ATOH8: variants seen among roughly 807,000 people sequenced by gnomAD.
ATOH8 encodes the protein transcription factor ATOH8.
Under a neutral mutation model 21.2 loss-of-function variants are expected in ATOH8, and 9 were observed. The observed-to-expected ratio is 0.42, with a 90% CI of 0.26 to 0.74. The LOEUF (loss-of-function observed/expected upper bound fraction) is 0.74. ATOH8 is among the 30% of genes least tolerant of loss of function. The probability of loss-of-function intolerance (pLI) is 0.24; values close to 1 mark genes in which losing one functional copy is unlikely to be tolerated. For synonymous variants in ATOH8, 253 were observed against 224.0 expected (o/e 1.13, Z -1.16); for missense variants, 524 against 470.9 (o/e 1.11, Z -1.04).
intron 2 of ATOH8, chr2:85,772,537 G>A (rs1170917746): frequency 5.5e-6 from 2 of 366,362 alleles, no homozygotes; most frequent in Non-Finnish European, 1.1e-5. Flanking sequence ...AGTCACCACA[G>A]GCCTTGGCAG....
chr2:85,769,330 C>T (rs1431642186), intron 2 of ATOH8, among the ~76,000 whole-genome samples: 1 of 152,220 alleles, frequency 6.6e-6, no homozygotes, highest in African/African-American at 2.4e-5. Flanking sequence ...ACAAGACGAA[C>T]CAGAAAGTGC....
chr2:85,764,811 A>G (rs561090328), intron 2 of ATOH8, among the ~76,000 whole-genome samples: 1 of 152,230 alleles, frequency 6.6e-6, no homozygotes, highest in South Asian at 2.1e-4. Flanking sequence ...GCCCTGTGCT[A>G]GGGGCAGTGG....
intron 1 of ATOH8, among the ~76,000 whole-genome samples, chr2:85,762,508 C>T (rs952556341): frequency 6.6e-6 from 1 of 152,176 alleles, no homozygotes; most frequent in Non-Finnish European, 1.5e-5. Context: ...GCCTTCCCCC[C>T]ACAGTTCATA....
At chr2:85,781,655 C>T (rs570333044) in intron 2 of ATOH8, among the ~76,000 whole-genome samples, 9 of 152,020 alleles carry the variant, frequency 5.9e-5, no homozygotes, top group African/African-American at 2.2e-4. Context: ...GTTGGAGGAT[C>T]GCTTGAGCCC....
At chr2:85,771,231 C>T (rs1304348223) in intron 2 of ATOH8, among the ~76,000 whole-genome samples, 1 of 151,862 alleles carries the variant, frequency 6.6e-6, no homozygotes, top group Non-Finnish European at 1.5e-5. Flanking sequence ...GGGCTGGAGA[C>T]CTGGATTTGA....
Position 85,790,105 on chromosome 2 carries a change from A to T in ATOH8, c.*3215A>T, listed in dbSNP as rs1243351768. Among the ~76,000 whole-genome samples, 2 of 152,248 alleles carry T rather than the reference A, an allele frequency of 1.3e-5. No homozygotes were observed. Among genetic ancestry groups the T allele is most frequent in the African/African-American group, 4.8e-5 (2 of 41,468 alleles). ...CCTCAGCAAAATATAAATGACGAGG[A>T]GCTGCCCTCATGGGGCCCTGTGAAA... On this transcript the variant is annotated 3_prime_UTR_variant, in exon 3 of 3. Transcript: ENST00000306279.
chr2:85,765,573 C>T (rs554549856), intron 2 of ATOH8, among the ~76,000 whole-genome samples: 57 of 152,278 alleles, frequency 3.7e-4, no homozygotes, highest in African/African-American at 1.1e-3. Context: ...ATGGCTCCCG[C>T]GGCGCTCGGT....
At chr2:85,758,799 C>T (rs1679785883) in intron 1 of ATOH8, among the ~76,000 whole-genome samples, 1 of 152,238 alleles carries the variant, frequency 6.6e-6, no homozygotes, top group African/African-American at 2.4e-5. Flanking sequence ...CATGTGAAGG[C>T]CATGTGTGCA....
intron 2 of ATOH8, among the ~76,000 whole-genome samples, chr2:85,783,208 A>G (rs1390246180): frequency 3.9e-5 from 6 of 152,202 alleles, no homozygotes; most frequent in African/African-American, 1.4e-4. Context: ...AGCAGCTGAG[A>G]GGGACCTGTG....
Position 85,788,171 on chromosome 2 carries a change from C to T in ATOH8, c.*1281C>T, listed in dbSNP as rs1680670911. On this transcript the variant is annotated 3_prime_UTR_variant, in exon 3 of 3. Coordinates refer to ENST00000306279, the MANE Select transcript of ATOH8 (RefSeq NM_032827.7). ...TTCTACCTACAGGTTGAGAGCCCTT[C>T]AGGATCAGGCGCTGTCCGAGTGAGA... 1 of 152,128 alleles carries T rather than the reference C, an allele frequency of 6.6e-6. No individual in the cohort carries two copies. The allele number at this position is 152,128 out of a possible 1,614,324, so 9.4% of individuals were successfully genotyped here.
chr2:85,767,453 C>T (rs987809518), intron 2 of ATOH8, among the ~76,000 whole-genome samples: 11 of 151,768 alleles, frequency 7.2e-5, no homozygotes, highest in Middle Eastern at 3.4e-3. Flanking sequence ...TCTTCCCCAC[C>T]GTTCACCCTC....
At chr2:85,755,749 AC>A (rs1679672542) in intron 1 of ATOH8, among the ~76,000 whole-genome samples, 1 of 151,932 alleles carries the variant, frequency 6.6e-6, no homozygotes, top group African/African-American at 2.4e-5. Context: ...CCCAAGAATT[AC>A]CCGTGGTGGG....
chr2:85,779,189 C>T (rs923719711), intron 2 of ATOH8, among the ~76,000 whole-genome samples: 3 of 152,266 alleles, frequency 2.0e-5, no homozygotes, highest in Non-Finnish European at 4.4e-5. Context: ...AAGCCAAGTG[C>T]GATGACCGGA....
At position 85,754,334 on chromosome 2, in the gene ATOH8, G is replaced by A. The variant is rs749263243; in HGVS notation, c.145G>A (p.Ala49Thr). 5 of 1,609,026 alleles carry A rather than the reference G, an allele frequency of 3.1e-6. No homozygotes were observed. Among genetic ancestry groups the A allele is most frequent in the East Asian group, 4.5e-5 (2 of 44,448 alleles). The change falls in exon 1 of 3, where the codon GCG becomes ACG. Residue 49 changes from alanine to threonine, a missense_variant. Ala to Thr is a moderately conservative substitution (Grantham distance 58). Transcript: ENST00000306279. ...TAAAACTTTCCGACTGGACTTGGAA[G>A]CGCCCGAGCCCCGCGCCGTAGCCAC... ...GYKTFRLDLE[A>T]PEPRAVATNG...
chr2:85,762,594 C>T (rs1051132112), intron 1 of ATOH8, among the ~76,000 whole-genome samples: 1 of 152,124 alleles, frequency 6.6e-6, no homozygotes, highest in Non-Finnish European at 1.5e-5. Context: ...CTATTAAGGG[C>T]AAGCTGTCCC....
chr2:85,768,875 G>A (rs140579504), intron 2 of ATOH8, among the ~76,000 whole-genome samples: 1 of 152,310 alleles, frequency 6.6e-6, no homozygotes, highest in Non-Finnish European at 1.5e-5. Flanking sequence ...CAGTAGTGCA[G>A]AGGCCCATGT....
intron 2 of ATOH8, among the ~76,000 whole-genome samples, chr2:85,771,176 G>A (rs1416459383): frequency 1.3e-5 from 2 of 152,196 alleles, no homozygotes; most frequent in African/African-American, 4.8e-5. Context: ...GCACGCTATG[G>A]CGGCCCTCAG....
intron 2 of ATOH8, among the ~76,000 whole-genome samples, chr2:85,769,793 C>G (rs1429310747): frequency 6.6e-6 from 1 of 152,122 alleles, no homozygotes; most frequent in African/African-American, 2.4e-5. Flanking sequence ...GGCGGAGTCT[C>G]CAGAGCCGCA....
intron 2 of ATOH8, among the ~76,000 whole-genome samples, chr2:85,786,169 T>C (rs1680616969): frequency 6.6e-6 from 1 of 152,224 alleles, no homozygotes; most frequent in African/African-American, 2.4e-5. Flanking sequence ...AGCACCCTGA[T>C]TCTCAGACAT....
Sources: allele counts gnomAD v4.1 joint callset (sites outside exome capture counted in the v4.1 genomes callset), GRCh38; gene constraint gnomAD v4.1.1; transcripts MANE v1.5; gene names NCBI Gene and HGNC (gene_info 2026-07-23, HGNC 2026-07-21).